Variants in DEPDC5 observed in about 807,000 individuals in gnomAD.
The protein encoded by DEPDC5 is GATOR1 complex protein DEPDC5.
In DEPDC5, 73 loss-of-function variants were observed where a neutral mutation model predicts 217.3. That is an observed-to-expected ratio of 0.34 (90% CI 0.28 to 0.41). The LOEUF is 0.41. DEPDC5 is among the 10% of genes least tolerant of loss of function. The probability of loss-of-function intolerance (pLI) is 1.00; values close to 1 mark genes in which losing one functional copy is unlikely to be tolerated. For synonymous variants in DEPDC5, 733 were observed against 756.7 expected, an observed-to-expected ratio of 0.97 and a Z score of 0.51; for missense variants, 1,675 against 2,070.1, an observed-to-expected ratio of 0.81 and a Z score of 3.70.
rs530475337 is a variant in DEPDC5, at chr22:31,881,962, G to GA, written c.4033+2226dup. On this transcript the variant is annotated intron_variant, in intron 38 of 42. Coordinates refer to ENST00000651528, the MANE Select transcript of DEPDC5 (RefSeq NM_001242896.3). ...AAAGTGATGGAGTGAGACTCCATCTGAAAAAAAAAAAAAAAAGAATAGCAA... is the reference window on the plus strand; with the variant it reads ...AAAGTGATGGAGTGAGACTCCATCTGAAAAAAAAAAAAAAAAAGAATAGCAA... 7.4e-3 allele frequency among the ~76,000 whole-genome samples: 751 copies of GA among 101,642 alleles called. 4 individuals carry two copies. The highest frequency in any genetic ancestry group is 0.019 in the Middle Eastern group (3 of 158). 66.7% of individuals were successfully genotyped at this position (101,642 alleles called of 152,430 possible).
At chr22:31,835,118 C>T (rs1446932917) in intron 25 of DEPDC5, among the ~76,000 whole-genome samples, 2 of 152,108 alleles carry the variant, frequency 1.3e-5, no homozygotes, top group African/African-American at 2.4e-5. Context: ...TATAGTGAGA[C>T]CCTGTCTCTA....
chr22:31,868,964 G>A (rs949620136), intron 33 of DEPDC5, among the ~76,000 whole-genome samples: 2 of 152,080 alleles, frequency 1.3e-5, no homozygotes, highest in African/African-American at 4.8e-5. Flanking sequence ...CCTTAAAGGT[G>A]ATATAACAAC....
chr22:31,886,183 G>T (rs1009376111), intron 38 of DEPDC5, among the ~76,000 whole-genome samples: 1 of 152,004 alleles, frequency 6.6e-6, no homozygotes, highest in Admixed American at 6.6e-5. Context: ...CATCATGCCC[G>T]GCTAGTTTTT....
Position 31,798,668 on chromosome 22 carries a change from T to A in DEPDC5, c.946+12T>A, listed in dbSNP as rs372501483. The A allele has an allele frequency of 3.1e-6, 5 of 1,608,960 alleles. No individual in the cohort carries two copies. In the African/African-American group the frequency reaches 4.0e-5, roughly 13 times the overall value. The stretch of plus-strand genomic sequence containing the variant: ...TCTGTCATTCAATGGTGAGTAAGGA[T>A]GCCGGCCATGAGCCAGCATCTTGCC... On this transcript the variant is annotated intron_variant, in intron 14 of 42. Transcript: ENST00000651528.
At chr22:31,890,784 G>T (rs1283286820) in intron 38 of DEPDC5, among the ~76,000 whole-genome samples, 1 of 151,684 alleles carries the variant, frequency 6.6e-6, no homozygotes, top group Non-Finnish European at 1.5e-5. Flanking sequence ...AGAGTGCAAT[G>T]GTGCGATCTC....
At chr22:31,860,932 CCCA>C (rs2092485853) in intron 32 of DEPDC5, among the ~76,000 whole-genome samples, 1 of 152,152 alleles carries the variant, frequency 6.6e-6, no homozygotes, top group African/African-American at 2.4e-5. Flanking sequence ...ACCCTGCAGC[CCCA>C]CCAAGCTGCT....
chr22:31,796,246 G>C (rs1601912341), intron 12 of DEPDC5, among the ~76,000 whole-genome samples: 1 of 151,692 alleles, frequency 6.6e-6, no homozygotes, highest in Non-Finnish European at 1.5e-5. Flanking sequence ...GACTACAGGT[G>C]CCTGCCACCA....
intron 32 of DEPDC5, among the ~76,000 whole-genome samples, chr22:31,860,953 CT>C (rs1022888206): frequency 6.6e-6 from 1 of 152,148 alleles, no homozygotes. Context: ...GCTCTGCGGC[CT>C]TTTCATCTTC....
At chr22:31,765,563 C>A (rs62238892) in intron 5 of DEPDC5, among the ~76,000 whole-genome samples, 49,054 of 151,510 alleles carry the variant, frequency 0.32, 9,142 homozygotes, top group African/African-American at 0.52. Context: ...TGCTGGGATT[C>A]CAGGTAGGAG....
intron 13 of DEPDC5, among the ~76,000 whole-genome samples, chr22:31,797,909 T>C (rs1307778778): frequency 5.3e-5 from 8 of 151,624 alleles, no homozygotes; most frequent in Admixed American, 4.0e-4. Context: ...AGTGAGGCCT[T>C]GTGGAGCCAG....
intron 21 of DEPDC5, chr22:31,816,587 C>T (rs2089155450): frequency 1.3e-5 from 2 of 151,878 alleles, no homozygotes; most frequent in Admixed American, 6.6e-5. Context: ...CACACCACCA[C>T]ACCAGCTAAT....
chr22:31,838,266 T>C (rs1001584300), intron 26 of DEPDC5, among the ~76,000 whole-genome samples: 2 of 152,174 alleles, frequency 1.3e-5, no homozygotes, highest in African/African-American at 4.8e-5. Context: ...AAATTGTTAG[T>C]AGTTTTTTTT....
intron 32 of DEPDC5, chr22:31,858,320 A>AG (rs2092381692): frequency 6.6e-6 from 1 of 151,528 alleles, no homozygotes; most frequent in African/African-American, 2.4e-5. Context: ...CTGAGACTTT[A>AG]GGCCTCTATC....
chr22:31,802,569 A>G lies in DEPDC5; in HGVS notation c.947-135A>G, dbSNP rs1601968102. On this transcript the variant is annotated intron_variant, in intron 14 of 42. Transcript: ENST00000651528. ...TGGAAGAGAAAAGACAGATGCGTAT[A>G]CATTTAACTAGAATGTGGCAGTTGC... 9 of 1,012,536 alleles carry G rather than the reference A, an allele frequency of 8.9e-6. No individual in the cohort carries two copies. The East Asian group carries it at 2.5e-4, about 29-fold the overall frequency. The allele number at this position is 1,012,536 out of a possible 1,614,324, so 62.7% of individuals were successfully genotyped here.
chr22:31,877,504 C>T (rs2093034486), intron 37 of DEPDC5, among the ~76,000 whole-genome samples: 1 of 126,414 alleles, frequency 7.9e-6, no homozygotes, highest in Admixed American at 9.1e-5. Context: ...GTAATCCCAA[C>T]ACTTTGGGAG....
intron 31 of DEPDC5, among the ~76,000 whole-genome samples, chr22:31,855,853 G>A (rs900908002): frequency 6.6e-6 from 1 of 151,972 alleles, no homozygotes; most frequent in African/African-American, 2.4e-5. Context: ...AGTGCAACAG[G>A]TTACTATGGA....
intron 17 of DEPDC5, 155 bp downstream of exon 17, chr22:31,805,070 C>A: frequency 1.5e-6 from 1 of 654,454 alleles, no homozygotes. Context: ...GCTCTGTACA[C>A]ACAAAGCAGT....
chr22:31,811,724 T>C (rs1602063994), intron 20 of DEPDC5, among the ~76,000 whole-genome samples: 1 of 151,572 alleles, frequency 6.6e-6, no homozygotes, highest in Non-Finnish European at 1.5e-5. Flanking sequence ...TAGTTTTTAA[T>C]TTTTTGTAGA....
chr22:31,782,368 C>A (rs1449745561), intron 8 of DEPDC5, among the ~76,000 whole-genome samples: 1 of 152,028 alleles, frequency 6.6e-6, no homozygotes, highest in Admixed American at 6.6e-5. Context: ...AGTTCCTGAC[C>A]TCAGGTGATC....
Sources: allele counts gnomAD v4.1 joint callset (sites outside exome capture counted in the v4.1 genomes callset), GRCh38; gene constraint gnomAD v4.1.1; transcripts MANE v1.5; gene names NCBI Gene and HGNC (gene_info 2026-07-23, HGNC 2026-07-21).